KCNQ5: variants seen among roughly 807,000 people sequenced by gnomAD.
The protein encoded by KCNQ5 is potassium voltage-gated channel subfamily KQT member 5.
KCNQ5 carries 30 observed loss-of-function variants against 98.2 expected under a neutral mutation model. The observed-to-expected ratio is 0.31, with a 90% CI of 0.23 to 0.41. The LOEUF is 0.41. Among genes scored for constraint, KCNQ5 ranks in the 10% least tolerant of loss-of-function variants. The pLI, the probability that KCNQ5 is intolerant of heterozygous loss-of-function variation, is 1.00. For synonymous variants in KCNQ5, 458 were observed against 449.4 expected (o/e 1.02, Z -0.24); for missense variants, 835 against 1,182.5 (o/e 0.71, Z 4.31).
intron 10 of KCNQ5, among the ~76,000 whole-genome samples, chr6:73,165,655 A>G (rs1257066869): frequency 6.6e-6 from 1 of 152,202 alleles, no homozygotes; most frequent in Non-Finnish European, 1.5e-5. Context: ...AAGAGATACA[A>G]GAAGGGCAGC....
chr6:72,741,647 A>T (rs1771135204), intron 1 of KCNQ5, among the ~76,000 whole-genome samples: 1 of 152,212 alleles, frequency 6.6e-6, no homozygotes, highest in Admixed American at 6.5e-5. Flanking sequence ...TAGGAAAGAC[A>T]TACCTTAGAT....
chr6:72,971,157 A>AAAATC (rs1582113078), intron 1 of KCNQ5, among the ~76,000 whole-genome samples: 2 of 150,472 alleles, frequency 1.3e-5, no homozygotes, highest in Non-Finnish European at 3.0e-5. Flanking sequence ...TTACAAGAAA[A>AAAATC]AAACAACCCC....
At chr6:73,038,201 G>T (rs1452724265) in intron 2 of KCNQ5, among the ~76,000 whole-genome samples, 1 of 151,658 alleles carries the variant, frequency 6.6e-6, no homozygotes, top group Non-Finnish European at 1.5e-5. Context: ...AAAGAAATAT[G>T]ATTAATTTTT....
At chr6:72,845,617 T>C (rs1329461778) in intron 1 of KCNQ5, among the ~76,000 whole-genome samples, 2 of 152,196 alleles carry the variant, frequency 1.3e-5, no homozygotes, top group Non-Finnish European at 2.9e-5. Flanking sequence ...ATAACAGTCA[T>C]CTAGCTCCTG....
At position 72,622,494 on chromosome 6, in the gene KCNQ5, G is replaced by T; in HGVS notation, c.305G>T (p.Cys102Phe). The stretch of plus-strand genomic sequence containing the variant: ...CTCTCTTACACGAGTAGCCAGAGCT[G>T]CCGGCGCAACGTCAAGTACCGGCGG... ...KPLSYTSSQS[C>F]RRNVKYRRVQ... Residue 102 changes from cysteine (C) to phenylalanine (F), a missense_variant, in exon 1 of 14, where the codon TGC becomes TTC. Cys to Phe is a radical substitution (Grantham distance 205). This residue lies in a region of KCNQ5 where 54 missense variants were observed against 51.5 expected (regional missense o/e 1.05). Coordinates refer to ENST00000370398, the MANE Select transcript of KCNQ5 (RefSeq NM_019842.4). This position sits in a 1 kb window ranked among gnomAD's most constrained non-coding sequence, Gnocchi z 6.0. 1.2e-6 allele frequency: 2 copies of T among 1,610,280 alleles called. No homozygotes were observed. Among genetic ancestry groups the T allele is most frequent in the Non-Finnish European group, 1.7e-6 (2 of 1,178,522 alleles).
intron 1 of KCNQ5, among the ~76,000 whole-genome samples, chr6:72,641,418 A>G (rs1374358873): frequency 6.6e-6 from 1 of 152,152 alleles, no homozygotes; most frequent in African/African-American, 2.4e-5. Context: ...AAGCAGAAAC[A>G]TCTGTGCAGT....
intron 1 of KCNQ5, among the ~76,000 whole-genome samples, chr6:72,630,914 G>T (rs2098920475): frequency 6.6e-6 from 1 of 152,180 alleles, no homozygotes; most frequent in African/African-American, 2.4e-5. Context: ...CTCTATCAGT[G>T]ATGGCTTGAG....
At chr6:72,921,195 C>A (rs1024272253) in intron 1 of KCNQ5, among the ~76,000 whole-genome samples, 3 of 152,046 alleles carry the variant, frequency 2.0e-5, no homozygotes, top group African/African-American at 7.2e-5. Context: ...ATCAGCATAG[C>A]CATGCTGCTT....
At chr6:73,131,339 G>T (rs1776228672) in intron 9 of KCNQ5, among the ~76,000 whole-genome samples, 1 of 151,984 alleles carries the variant, frequency 6.6e-6, no homozygotes, top group Non-Finnish European at 1.5e-5. Flanking sequence ...GATATATCTT[G>T]AAAGTTGGAG....
chr6:72,941,321 T>TTTCC (rs1207605174), intron 1 of KCNQ5, among the ~76,000 whole-genome samples: 42 of 65,334 alleles, frequency 6.4e-4, no homozygotes, highest in Admixed American at 2.2e-3. Flanking sequence ...TCCTTCCTTC[T>TTTCC]TTCCTTCCTT....
chr6:72,897,283 G>A (rs1305841370), intron 1 of KCNQ5, among the ~76,000 whole-genome samples: 1 of 152,156 alleles, frequency 6.6e-6, no homozygotes, highest in Non-Finnish European at 1.5e-5. Context: ...GCTTACGTCT[G>A]TAATCCCAGC....
At chr6:72,768,502 T>C (rs1772688660) in intron 1 of KCNQ5, among the ~76,000 whole-genome samples, 2 of 152,098 alleles carry the variant, frequency 1.3e-5, no homozygotes, top group African/African-American at 2.4e-5. Flanking sequence ...CTTTTTGATG[T>C]GACTGTTTTA....
chr6:72,828,562 AT>A (rs1776103171), intron 1 of KCNQ5, among the ~76,000 whole-genome samples: 1 of 152,050 alleles, frequency 6.6e-6, no homozygotes, highest in South Asian at 2.1e-4. Flanking sequence ...ATTTTTGTAT[AT>A]TAATTCTGTA....
chr6:72,875,474 T>G (rs535643170), intron 1 of KCNQ5, among the ~76,000 whole-genome samples: 1 of 152,308 alleles, frequency 6.6e-6, no homozygotes, highest in Admixed American at 6.5e-5. Flanking sequence ...CAGTTACCAG[T>G]TTTCTCAGAT....
At chr6:72,809,382 T>TA (rs1480389565) in intron 1 of KCNQ5, among the ~76,000 whole-genome samples, 1 of 151,694 alleles carries the variant, frequency 6.6e-6, no homozygotes, top group Non-Finnish European at 1.5e-5. Flanking sequence ...CCCTAAAACT[T>TA]AAAGTATAAT....
chr6:73,115,003 C>T (rs562606981), intron 7 of KCNQ5, among the ~76,000 whole-genome samples: 2 of 152,038 alleles, frequency 1.3e-5, no homozygotes, highest in Non-Finnish European at 2.9e-5. Flanking sequence ...TTTAGTGCTC[C>T]AGTCATAAAT....
At chr6:73,159,993 TTTTG>T (rs72448817) in intron 10 of KCNQ5, among the ~76,000 whole-genome samples, 28,004 of 136,248 alleles carry the variant, frequency 0.21, 3,894 homozygotes, top group African/African-American at 0.43. Flanking sequence ...CTATGGTTTT[TTTTG>T]TTTGTTTGTT....
At position 73,195,330 on chromosome 6, in the gene KCNQ5, TGG is replaced by T; in HGVS notation, c.2716_2717del (p.Gly906LysfsTer10). On this transcript the variant is annotated frameshift_variant, in exon 14 of 14. Coordinates refer to ENST00000370398, the MANE Select transcript of KCNQ5 (RefSeq NM_019842.4). LOFTEE classifies it high-confidence loss of function. ...AAFASDSLRT[G>X]RSRSSQSICK... The stretch of plus-strand genomic sequence containing the variant: ...CCTTTGCATCAGACTCTCTAAGGAC[TGG>T]AAGGTCACGATCATCTCAGAGCATT... The T allele has an allele frequency of 6.2e-7, 1 of 1,614,168 alleles. No homozygotes were observed. The highest frequency in any genetic ancestry group is 8.5e-7 in the Non-Finnish European group (1 of 1,180,020).
chr6:72,675,313 A>T (rs1414057599), intron 1 of KCNQ5, among the ~76,000 whole-genome samples: 2 of 152,318 alleles, frequency 1.3e-5, no homozygotes, highest in South Asian at 4.2e-4. Flanking sequence ...AGGGACTTCT[A>T]AGGAACTGCA....
Sources: allele counts gnomAD v4.1 joint callset (sites outside exome capture counted in the v4.1 genomes callset), GRCh38; gene constraint gnomAD v4.1.1; regional missense constraint gnomAD v4.1.1; non-coding constraint Gnocchi (gnomAD v3.1); transcripts MANE v1.5; gene names NCBI Gene and HGNC (gene_info 2026-07-23, HGNC 2026-07-21).